Variants in EFL1 observed in about 807,000 individuals in gnomAD.
EFL1 encodes the protein elongation factor like GTPase 1, also known as elongation factor-like GTPase 1.
EFL1 carries 76 observed loss-of-function variants against 126.7 expected under a neutral mutation model. That is an observed-to-expected ratio of 0.60 (90% CI 0.50 to 0.73). The LOEUF is 0.73. Ranked by LOEUF, EFL1 falls within the 30% of genes least tolerant of loss-of-function variation. The pLI is 0.00. For synonymous variants in EFL1, 410 were observed against 448.4 expected, an observed-to-expected ratio of 0.91 and a Z score of 1.08; for missense variants, 1,128 against 1,343.2, an observed-to-expected ratio of 0.84 and a Z score of 2.50.
At chr15:82,172,231 A>T (rs917880687) in intron 15 of EFL1, among the ~76,000 whole-genome samples, 10 of 152,372 alleles carry the variant, frequency 6.6e-5, no homozygotes, top group African/African-American at 2.4e-4. Context: ...GTAGACAAGA[A>T]CAAAAATTGT....
intron 7 of EFL1, among the ~76,000 whole-genome samples, chr15:82,236,898 C>CTG (rs2074878125): frequency 6.6e-6 from 1 of 152,178 alleles, no homozygotes; most frequent in Non-Finnish European, 1.5e-5. Flanking sequence ...AATCCCAGCA[C>CTG]TGTGGGAGGC....
intron 11 of EFL1, among the ~76,000 whole-genome samples, chr15:82,226,730 A>G (rs1343610078): frequency 6.6e-6 from 1 of 152,266 alleles, no homozygotes; most frequent in Non-Finnish European, 1.5e-5. Context: ...GCTGTCATTT[A>G]AAGTCTTGAG....
chr15:82,165,890 C>T (rs2074074775), intron 15 of EFL1, among the ~76,000 whole-genome samples: 1 of 152,174 alleles, frequency 6.6e-6, no homozygotes, highest in South Asian at 2.1e-4. Flanking sequence ...ATGTTAAATT[C>T]CTCCTGTGCC....
intron 18 of EFL1, among the ~76,000 whole-genome samples, chr15:82,141,713 G>A (rs180781579): frequency 2.8e-4 from 42 of 149,372 alleles, no homozygotes; most frequent in African/African-American, 1.0e-3. Context: ...AAAAAGAAAC[G>A]TTTGAAGGTA....
intron 15 of EFL1, among the ~76,000 whole-genome samples, chr15:82,204,568 T>TGAA (rs1424721538): frequency 2.6e-5 from 4 of 152,218 alleles, no homozygotes; most frequent in Non-Finnish European, 5.9e-5. Flanking sequence ...GACTATTGTG[T>TGAA]GAACCATCAA....
At chr15:82,225,452 T>C (rs992536026) in intron 11 of EFL1, among the ~76,000 whole-genome samples, 188 bp from the exon 12 acceptor site, 4 of 152,210 alleles carry the variant, frequency 2.6e-5, no homozygotes, top group African/African-American at 9.7e-5. Context: ...TAGGAAAGAA[T>C]AGCAGAGCAA....
chr15:82,196,593 A>C (rs372398862), intron 15 of EFL1, among the ~76,000 whole-genome samples: 38 of 152,376 alleles, frequency 2.5e-4, no homozygotes, highest in African/African-American at 8.4e-4. Context: ...TTTAATATGC[A>C]AAATGAAGAG....
intron 6 of EFL1, 97 bp downstream of exon 6, chr15:82,240,321 G>T: frequency 1.6e-6 from 2 of 1,229,996 alleles, no homozygotes; most frequent in African/African-American, 1.5e-5. Flanking sequence ...AAGTGGAAAA[G>T]TTCCCTTTTC....
In EFL1 at chr15:82,157,848, T is replaced by C; in HGVS notation, c.1895A>G (p.Gln632Arg). ...TAACAGTTTCATTCCTTTTACGAGC[T>C]GAGGCATTTCACCTAGGTTAACAAA... The part of the protein sequence containing the change: ...VEPKHPSEMP[Q>R]LVKGMKLLNQ... The change falls in exon 17 of 20, where the codon CAG becomes CGG. Residue 632 changes from glutamine to arginine, a missense_variant. Gln to Arg is a conservative substitution (Grantham distance 43, BLOSUM62 1). Coordinates refer to ENST00000268206, the MANE Select transcript of EFL1 (RefSeq NM_024580.6). 1.1e-5 allele frequency: 17 copies of C among 1,612,966 alleles called. No individual in the cohort carries two copies. Among genetic ancestry groups the C allele is most frequent in the Non-Finnish European group, 1.4e-5 (16 of 1,179,282 alleles).
chr15:82,241,454 T>C, intron 4 of EFL1, 51 bp from the exon 5 acceptor site: 1 of 1,580,766 alleles, frequency 6.3e-7, no homozygotes. Context: ...GTACACAATG[T>C]TCTTCCTCAG....
rs187749353 is a variant in EFL1, at chr15:82,168,669, C to T, written c.1751-4685G>A. On this transcript the variant is annotated intron_variant, in intron 15 of 19. Coordinates refer to ENST00000268206, the MANE Select transcript of EFL1 (RefSeq NM_024580.6). Reference sequence around the variant, plus strand: ...TTGGGATTACAGGCACTTGCCACCACGCCCGGCTAATTTTTTGTATTTTCA... The same window carrying T: ...TTGGGATTACAGGCACTTGCCACCATGCCCGGCTAATTTTTTGTATTTTCA... Among the ~76,000 whole-genome samples, 150 of 152,262 alleles carry T rather than the reference C, an allele frequency of 9.9e-4. 1 individual carries two copies. The East Asian group carries it at 0.025, about 25-fold the overall frequency.
intron 15 of EFL1, among the ~76,000 whole-genome samples, chr15:82,169,796 A>G (rs2074115031): frequency 6.6e-6 from 1 of 152,198 alleles, no homozygotes; most frequent in African/African-American, 2.4e-5. Flanking sequence ...TAGTCTTTCA[A>G]TGAGTTCAGT....
chr15:82,221,655 T>C (rs1012415716), intron 12 of EFL1, among the ~76,000 whole-genome samples: 5 of 152,122 alleles, frequency 3.3e-5, no homozygotes, highest in Non-Finnish European at 7.4e-5. Flanking sequence ...GGCTGTGCAA[T>C]AGAATACAAA....
intron 15 of EFL1, among the ~76,000 whole-genome samples, chr15:82,183,226 A>C (rs1247953470): frequency 6.6e-6 from 1 of 152,234 alleles, no homozygotes; most frequent in East Asian, 1.9e-4. Flanking sequence ...ATAATCATAT[A>C]ATAATTTTGT....
At position 82,151,268 on chromosome 15, in the gene EFL1, GTCACAAC is replaced by G. The variant is rs1237113387; in HGVS notation, c.2989+190_2989+196del. Among the ~76,000 whole-genome samples the G allele has an allele frequency of 6.6e-5, 10 of 152,222 alleles. No individual in the cohort carries two copies. In the East Asian group the frequency reaches 1.7e-3, roughly 27 times the overall value. On this transcript the variant is annotated intron_variant, in intron 18 of 19. Coordinates refer to ENST00000268206, the MANE Select transcript of EFL1 (RefSeq NM_024580.6). ...CTGCACATGGTGGTGTGTGCCTGTA[GTCACAAC>G]TACTTGAGAGGCTGAGGTGAGAGGA... is the stretch of plus-strand genomic sequence containing the variant.
At chr15:82,175,759 G>A (rs2074188547) in intron 15 of EFL1, among the ~76,000 whole-genome samples, 1 of 151,994 alleles carries the variant, frequency 6.6e-6, no homozygotes, top group African/African-American at 2.4e-5. Flanking sequence ...AGGCTGAGGT[G>A]GGAGAATTGC....
chr15:82,207,993 T>C (rs1383154555), intron 15 of EFL1, among the ~76,000 whole-genome samples: 2 of 152,196 alleles, frequency 1.3e-5, no homozygotes, highest in African/African-American at 4.8e-5. Flanking sequence ...AGTGCTGGGA[T>C]TACAGGCGTG....
At chr15:82,204,269 C>A (rs2074501326) in intron 15 of EFL1, among the ~76,000 whole-genome samples, 1 of 152,110 alleles carries the variant, frequency 6.6e-6, no homozygotes, top group Non-Finnish European at 1.5e-5. Flanking sequence ...GAAAGACCTG[C>A]CAAGTCTTTA....
chr15:82,150,335 A>G (rs1366156125), intron 18 of EFL1, among the ~76,000 whole-genome samples: 1 of 152,236 alleles, frequency 6.6e-6, no homozygotes, highest in East Asian at 1.9e-4. Flanking sequence ...CCACATATTG[A>G]CTCAAAGGGC....
Sources: gnomAD v4.1 joint callset for allele counts (sites outside exome capture counted in the v4.1 genomes callset) on GRCh38, gnomAD v4.1.1 for gene constraint, MANE v1.5 for transcripts, NCBI Gene and HGNC (gene_info 2026-07-23, HGNC 2026-07-21) for gene names.